RBFOX1: variants seen among roughly 807,000 people sequenced by gnomAD.
The protein encoded by RBFOX1 is RNA binding fox-1 homolog 1.
Under a neutral mutation model 57.7 loss-of-function variants are expected in RBFOX1, and 8 were observed. The observed-to-expected ratio is 0.14, with a 90% CI of 0.08 to 0.25. RBFOX1 has a LOEUF of 0.25. RBFOX1 is among the 10% of genes least tolerant of loss of function. RBFOX1 has a pLI of 1.00. For synonymous variants in RBFOX1, 326 were observed against 222.4 expected, an observed-to-expected ratio of 1.47 and a Z score of -4.15; for missense variants, 611 against 548.5, an observed-to-expected ratio of 1.11 and a Z score of -1.14.
chr16:6,036,970 G>A (rs899505604), intron 1 of RBFOX1, among the ~76,000 whole-genome samples: 2 of 152,164 alleles, frequency 1.3e-5, no homozygotes, highest in East Asian at 1.9e-4. Flanking sequence ...CACTTCACCT[G>A]TTTTAACCTT....
chr16:7,388,443 T>A (rs2097920820), intron 4 of RBFOX1, among the ~76,000 whole-genome samples: 1 of 152,134 alleles, frequency 6.6e-6, no homozygotes, highest in Non-Finnish European at 1.5e-5. Context: ...GGCTTTGGGA[T>A]ACAACAAATA....
chr16:6,623,349 C>T (rs1942034805), intron 2 of RBFOX1, among the ~76,000 whole-genome samples: 1 of 152,008 alleles, frequency 6.6e-6, no homozygotes, highest in Non-Finnish European at 1.5e-5. Flanking sequence ...CTGAGAAGGA[C>T]AGTGAAACCC....
intron 4 of RBFOX1, among the ~76,000 whole-genome samples, chr16:6,008,548 T>C (rs1035173533): frequency 4.6e-5 from 7 of 151,992 alleles, no homozygotes; most frequent in African/African-American, 1.2e-4. Flanking sequence ...CAAATCAAGA[T>C]TGCGGTTAAG....
intron 4 of RBFOX1, among the ~76,000 whole-genome samples, chr16:7,488,127 C>A (rs542483631): frequency 2.0e-5 from 3 of 152,218 alleles, no homozygotes; most frequent in South Asian, 2.1e-4. Flanking sequence ...ATCCTCTTGC[C>A]GTGCTAGTGT....
chr16:6,808,184 A>G (rs552854116), intron 3 of RBFOX1, among the ~76,000 whole-genome samples: 15,281 of 112,972 alleles, frequency 0.14, 879 homozygotes, highest in Admixed American at 0.21. Flanking sequence ...GTGTGTATAT[A>G]TATATATATA....
chr16:6,672,889 C>T (rs1320530492), intron 3 of RBFOX1, among the ~76,000 whole-genome samples: 1 of 152,090 alleles, frequency 6.6e-6, no homozygotes, highest in East Asian at 1.9e-4. Context: ...TCCCAAGAGA[C>T]CCATTGACTA....
chr16:5,243,643 C>T (rs1294942109), intron 1 of RBFOX1, among the ~76,000 whole-genome samples: 1 of 152,126 alleles, frequency 6.6e-6, no homozygotes, highest in African/African-American at 2.4e-5. Context: ...GGGAGTGGTA[C>T]ATGAGCAAAA....
chr16:6,239,485 C>CT lies in RBFOX1; in HGVS notation c.-126-77481dup, dbSNP rs59244306. On this transcript the variant is annotated intron_variant, in intron 1 of 15. Coordinates refer to ENST00000550418, the MANE Select transcript of RBFOX1 (RefSeq NM_018723.4). ...ATAACTTATTCTTCTCCAACTGACT[C>CT]TTTTTTTTTTTTTTTTTTTTTTTTT... is the stretch of plus-strand genomic sequence containing the variant. 2.7e-3 allele frequency among the ~76,000 whole-genome samples: 183 copies of CT among 67,802 alleles called. 22 individuals are homozygous for CT. Among genetic ancestry groups the CT allele is most frequent in the African/African-American group, 4.6e-3 (82 of 17,726 alleles). 44.5% of individuals were successfully genotyped at this position (67,802 alleles called of 152,430 possible).
intron 3 of RBFOX1, among the ~76,000 whole-genome samples, chr16:7,036,569 C>G (rs1597647413): frequency 6.6e-6 from 1 of 151,988 alleles, no homozygotes; most frequent in Non-Finnish European, 1.5e-5. Flanking sequence ...GGCGGCTGCC[C>G]ATAATCCCAA....
chr16:7,324,763 G>A (rs1212079716), intron 4 of RBFOX1, among the ~76,000 whole-genome samples: 2 of 152,136 alleles, frequency 1.3e-5, no homozygotes, highest in African/African-American at 4.8e-5. Flanking sequence ...TTTTCTTTGT[G>A]CATCTCCATA....
At chr16:6,571,456 T>G (rs1387779595) in intron 2 of RBFOX1, among the ~76,000 whole-genome samples, 2 of 152,182 alleles carry the variant, frequency 1.3e-5, no homozygotes, top group African/African-American at 4.8e-5. Context: ...TTTTAAGTTG[T>G]GTATGCTTCA....
chr16:7,599,394 T>A (rs2094887501), intron 9 of RBFOX1, among the ~76,000 whole-genome samples: 1 of 152,214 alleles, frequency 6.6e-6, no homozygotes, highest in African/African-American at 2.4e-5. Flanking sequence ...TGTGCATGTA[T>A]ATTTATTTTA....
At chr16:5,903,406 C>G (rs1036064687) in intron 4 of RBFOX1, among the ~76,000 whole-genome samples, 1 of 152,122 alleles carries the variant, frequency 6.6e-6, no homozygotes, top group African/African-American at 2.4e-5. Flanking sequence ...CAACATGACA[C>G]AAAGCGGCTG....
chr16:7,346,553 G>C (rs574435234), intron 4 of RBFOX1, among the ~76,000 whole-genome samples: 1 of 151,706 alleles, frequency 6.6e-6, no homozygotes, highest in African/African-American at 2.4e-5. Context: ...CTCCTGTGTA[G>C]AATGCTCCTC....
At chr16:5,542,515 C>T (rs915545113) in intron 2 of RBFOX1, among the ~76,000 whole-genome samples, 13 of 151,990 alleles carry the variant, frequency 8.6e-5, no homozygotes, top group African/African-American at 2.7e-4. Context: ...CCTCGGCCTC[C>T]CAAAGTGCTG....
intron 4 of RBFOX1, among the ~76,000 whole-genome samples, chr16:7,311,522 G>A (rs4350587): frequency 0.88 from 127,730 of 145,628 alleles, 56,194 homozygotes; most frequent in East Asian, 1. Flanking sequence ...CTCAGGATTC[G>A]CCTCAATGAC....
intron 3 of RBFOX1, among the ~76,000 whole-genome samples, chr16:6,678,277 A>G (rs955352700): frequency 6.6e-6 from 1 of 152,050 alleles, no homozygotes; most frequent in African/African-American, 2.4e-5. Flanking sequence ...GGCGTGTACC[A>G]CCACACATGG....
At chr16:7,566,640 A>G (rs1334535181) in intron 5 of RBFOX1, among the ~76,000 whole-genome samples, 1 of 152,090 alleles carries the variant, frequency 6.6e-6, no homozygotes, top group Non-Finnish European at 1.5e-5. Flanking sequence ...TCATGGTGGG[A>G]CCTCAGCACA....
At chr16:6,716,133 A>T (rs2064771588) in intron 3 of RBFOX1, among the ~76,000 whole-genome samples, 1 of 152,248 alleles carries the variant, frequency 6.6e-6, no homozygotes, top group South Asian at 2.1e-4. Context: ...CTACAGAAAA[A>T]TAGAGGGAAC....
Sources: gnomAD v4.1 joint callset for allele counts (sites outside exome capture counted in the v4.1 genomes callset) on GRCh38, gnomAD v4.1.1 for gene constraint, MANE v1.5 for transcripts, NCBI Gene and HGNC (gene_info 2026-07-23, HGNC 2026-07-21) for gene names.